ATOX1: variants seen among roughly 807,000 people sequenced by gnomAD.
ATOX1 encodes the protein copper transport protein ATOX1.
Under a neutral mutation model 7.3 loss-of-function variants are expected in ATOX1, and 4 were observed. The observed-to-expected ratio is 0.55, with a 90% confidence interval of 0.27 to 1.25. The LOEUF (loss-of-function observed/expected upper bound fraction) is 1.25, where lower values mean the gene tolerates loss of function less well. Ranked by LOEUF, ATOX1 falls within the 50% of genes most tolerant of loss-of-function variation. ATOX1 has a pLI of 0.12. For synonymous variants in ATOX1, 25 were observed against 28.7 expected (o/e 0.87, Z 0.41); for missense variants, 68 against 81.6 (o/e 0.83, Z 0.64).
intron 2 of ATOX1, among the ~76,000 whole-genome samples, chr5:151,749,766 C>G (rs945855166): frequency 6.6e-6 from 1 of 151,972 alleles, no homozygotes; most frequent in African/African-American, 2.4e-5. Flanking sequence ...AACCCAGGCC[C>G]GAGAAAGAAG....
At chr5:151,755,488 G>A (rs940743396) in intron 1 of ATOX1, among the ~76,000 whole-genome samples, 3 of 152,096 alleles carry the variant, frequency 2.0e-5, no homozygotes, top group African/African-American at 7.2e-5. Context: ...AAAGTACACC[G>A]CCAGCCCTCA....
chr5:151,743,925 T>C (rs1443438170), intron 3 of ATOX1: 4 of 152,122 alleles, frequency 2.6e-5, no homozygotes, highest in Admixed American at 2.6e-4. Flanking sequence ...CTTCCTATCA[T>C]AAAAAATCTA....
rs1762044931 is a variant in ATOX1, at chr5:151,758,581, G to A, written c.-30C>T. Reference sequence around the variant, plus strand: ...GAGGCAGCGGCGGTGTGGCGGCGGTGTGGCGGCGGTGTCAGCAGCGCCTCT... The same window carrying A: ...GAGGCAGCGGCGGTGTGGCGGCGGTATGGCGGCGGTGTCAGCAGCGCCTCT... On this transcript the variant is annotated 5_prime_UTR_variant, in exon 1 of 4. Coordinates refer to ENST00000313115, the MANE Select transcript of ATOX1 (RefSeq NM_004045.4). 7.8e-6 allele frequency: 11 copies of A among 1,416,648 alleles called. No homozygotes were observed. Among genetic ancestry groups the A allele is most frequent in the Non-Finnish European group, 8.3e-6 (9 of 1,079,988 alleles). The allele number at this position is 1,416,648 out of a possible 1,614,324, so 87.8% of individuals were successfully genotyped here.
intron 1 of ATOX1, among the ~76,000 whole-genome samples, chr5:151,754,820 C>T (rs1211771297): frequency 6.6e-6 from 1 of 151,508 alleles, no homozygotes; most frequent in Non-Finnish European, 1.5e-5. Flanking sequence ...CCCATCTCTA[C>T]TAAAAATACA....
At chr5:151,752,276 C>G in intron 1 of ATOX1, 1 of 702,574 alleles carries the variant, frequency 1.4e-6, no homozygotes, top group Middle Eastern at 2.3e-4. Context: ...GCTGGGGAAT[C>G]TGTTATGTCT....
At chr5:151,757,046 G>C (rs185102019) in intron 1 of ATOX1, among the ~76,000 whole-genome samples, 2 of 152,012 alleles carry the variant, frequency 1.3e-5, no homozygotes, top group African/African-American at 2.4e-5. Context: ...CTGTGCTCTC[G>C]GGCATTTGTC....
Position 151,758,547 on chromosome 5 carries a change from G to C in ATOX1, c.5C>G (p.Pro2Arg), listed in dbSNP as rs752342635. The C allele has an allele frequency of 2.1e-6, 3 of 1,447,962 alleles. No individual in the cohort carries two copies. The highest frequency in any genetic ancestry group is 9.1e-7 in the Non-Finnish European group (1 of 1,095,932). 89.7% of individuals were successfully genotyped at this position (1,447,962 alleles called of 1,614,324 possible). M[P>R]KHEFSVDMTC... is the part of the protein sequence containing the mutation. Reference sequence around the variant, plus strand: ...GGCGGGGACGGCGCAACCACTCACCGGCATGACTGAGGCAGCGGCGGTGTG... The same window carrying C: ...GGCGGGGACGGCGCAACCACTCACCCGCATGACTGAGGCAGCGGCGGTGTG... The change falls in exon 1 of 4, where the codon CCG becomes CGG. Residue 2 changes from proline (P) to arginine (R), a missense_variant and splice_region_variant. Coordinates refer to ENST00000313115, the MANE Select transcript of ATOX1 (RefSeq NM_004045.4).
chr5:151,755,845 C>T (rs1216315757), intron 1 of ATOX1, among the ~76,000 whole-genome samples: 6 of 151,974 alleles, frequency 3.9e-5, no homozygotes, highest in African/African-American at 1.2e-4. Context: ...TCCTCATGGC[C>T]TCTGGGGTCT....
chr5:151,755,012 AAC>A (rs1322248441), intron 1 of ATOX1, among the ~76,000 whole-genome samples: 1 of 151,698 alleles, frequency 6.6e-6, no homozygotes, highest in African/African-American at 2.4e-5. Flanking sequence ...GAAACACAAA[AAC>A]AAAAAACTAC....
intron 2 of ATOX1, 41 bp from the exon 3 acceptor site, chr5:151,746,490 G>A: frequency 6.2e-7 from 1 of 1,610,966 alleles, no homozygotes; most frequent in East Asian, 2.2e-5. Flanking sequence ...AGGAAGCACA[G>A]ACCCTCCCAG....
In ATOX1 at chr5:151,751,774, G is replaced by A. The variant is rs759761903; in HGVS notation, c.12C>T (p.His4=). The change falls in exon 2 of 4, where the codon CAC becomes CAT. Residue 4 remains histidine (H), a synonymous_variant. Transcript: ENST00000313115. ...CACAGGTCATGTCCACAGAGAACTC[G>A]TGCTTCTGAAACAAACACAGGGGGA... MPK[H]EFSVDMTCGG... 8.7e-6 allele frequency: 14 copies of A among 1,606,306 alleles called. No homozygotes were observed. The highest frequency in any genetic ancestry group is 2.2e-5 in the East Asian group (1 of 44,690).
chr5:151,746,192 C>T, intron 3 of ATOX1, 87 bp downstream of exon 3: 1 of 1,263,996 alleles, frequency 7.9e-7, no homozygotes, highest in Admixed American at 2.7e-5. Flanking sequence ...TCTCCCGCTC[C>T]ACTCAAGCTC....
chr5:151,745,048 T>C (rs1422660681), intron 3 of ATOX1: 1 of 152,212 alleles, frequency 6.6e-6, no homozygotes, highest in Non-Finnish European at 1.5e-5. Flanking sequence ...CATTCCTGAA[T>C]ATGGGTTCTA....
In ATOX1 at chr5:151,758,574, C is replaced by A; in HGVS notation, c.-23G>T. 1 of 1,418,852 alleles carries A rather than the reference C, an allele frequency of 7.0e-7. No individual in the cohort carries two copies. The highest frequency in any genetic ancestry group is 9.3e-7 in the Non-Finnish European group (1 of 1,081,032). The allele number at this position is 1,418,852 out of a possible 1,614,324, so 87.9% of individuals were successfully genotyped here. On this transcript the variant is annotated 5_prime_UTR_variant, in exon 1 of 4. Coordinates refer to ENST00000313115, the MANE Select transcript of ATOX1 (RefSeq NM_004045.4). ...CATGACTGAGGCAGCGGCGGTGTGG[C>A]GGCGGTGTGGCGGCGGTGTCAGCAG... is the stretch of plus-strand genomic sequence containing the variant.
chr5:151,751,641 C>T, intron 2 of ATOX1, 63 bp downstream of exon 2: 5 of 1,525,046 alleles, frequency 3.3e-6, no homozygotes, highest in Middle Eastern at 1.7e-4. Flanking sequence ...TAAGTCTCTC[C>T]TGCAACATCT....
chr5:151,750,393 T>G (rs967204759), intron 2 of ATOX1, among the ~76,000 whole-genome samples: 2 of 150,932 alleles, frequency 1.3e-5, no homozygotes, highest in East Asian at 2.0e-4. Flanking sequence ...TCCATATCTA[T>G]GAAAAGTACA....
At chr5:151,746,589 G>GT in intron 2 of ATOX1, 140 bp from the exon 3 acceptor site, 1 of 1,107,824 alleles carries the variant, frequency 9.0e-7, no homozygotes, top group South Asian at 1.5e-5. Flanking sequence ...AACTTCTTCT[G>GT]TAACAGGCCA....
Position 151,758,528 on chromosome 5 carries a change from G to A in ATOX1, c.6+18C>T. ...CGGGACTGCAAGTCTGCGTGGCGGGGACGGCGCAACCACTCACCGGCATGA... is the reference window on the plus strand; with the variant it reads ...CGGGACTGCAAGTCTGCGTGGCGGGAACGGCGCAACCACTCACCGGCATGA... On this transcript the variant is annotated intron_variant, in intron 1 of 3. Transcript: ENST00000313115. 3.4e-6 allele frequency: 5 copies of A among 1,473,806 alleles called. No homozygotes were observed. The highest frequency in any genetic ancestry group is 4.5e-6 in the Non-Finnish European group (5 of 1,109,228). 91.3% of individuals were successfully genotyped at this position (1,473,806 alleles called of 1,614,324 possible).
At chr5:151,753,545 G>T (rs1232219619) in intron 1 of ATOX1, among the ~76,000 whole-genome samples, 1 of 152,148 alleles carries the variant, frequency 6.6e-6, no homozygotes, top group Non-Finnish European at 1.5e-5. Context: ...TATTACCTCA[G>T]TTGGAATCCT....
Sources: gnomAD v4.1 joint callset for allele counts (sites outside exome capture counted in the v4.1 genomes callset) on GRCh38, gnomAD v4.1.1 for gene constraint, MANE v1.5 for transcripts, NCBI Gene and HGNC (gene_info 2026-07-23, HGNC 2026-07-21) for gene names.